The following GTF2B variants were observed in gnomAD, a reference collection of about 807,000 sequenced individuals.
GTF2B encodes the protein transcription initiation factor IIB.
A neutral mutation model predicts 34.6 loss-of-function variants in GTF2B; 20 were observed. The observed-to-expected ratio is 0.58, with a 90% CI of 0.41 to 0.84. The LOEUF (loss-of-function observed/expected upper bound fraction) is 0.84, where lower values mean the gene tolerates loss of function less well. Among genes scored for constraint, GTF2B ranks in the 40% least tolerant of loss-of-function variants. The pLI is 0.00. For synonymous variants in GTF2B, 142 were observed against 132.4 expected, an observed-to-expected ratio of 1.07 and a Z score of -0.50; for missense variants, 237 against 393.3, an observed-to-expected ratio of 0.60 and a Z score of 3.36.
Position 88,859,939 on chromosome 1 carries a change from C to T in GTF2B, c.478G>A (p.Ala160Thr), listed in dbSNP as rs1291314154. 1 of 1,613,608 alleles carries T rather than the reference C, an allele frequency of 6.2e-7. No homozygotes were observed. The highest frequency in any genetic ancestry group is 8.5e-7 in the Non-Finnish European group (1 of 1,179,600). ...CAGGCAATATAGAGACAAGCAGAAG[C>T]TATAGCATCATTAGCTCTTCCCTTC... is the stretch of plus-strand genomic sequence containing the variant. ...SLKGRANDAI[A>T]SACLYIACRQ... The change falls in exon 5 of 7, where the codon GCT (alanine) becomes ACT (threonine). Residue 160 changes from alanine (A) to threonine (T), a missense_variant. Physicochemically the swap from Ala to Thr is moderately conservative, Grantham distance 58. This residue lies in a region of GTF2B where 29 missense variants were observed against 105.8 expected (regional missense o/e 0.27). Transcript: ENST00000370500.
chr1:88,871,046 C>G (rs764108950), intron 2 of GTF2B, among the ~76,000 whole-genome samples: 1 of 151,980 alleles, frequency 6.6e-6, no homozygotes, highest in African/African-American at 2.4e-5. Context: ...GGACTACAGG[C>G]GTGTGCCACC....
Position 88,853,241 on chromosome 1 carries a change from G to T in GTF2B, c.923C>A (p.Thr308Asn). The T allele has an allele frequency of 6.2e-7, 1 of 1,613,546 alleles. No individual in the cohort carries two copies. The highest frequency in any genetic ancestry group is 8.5e-7 in the Non-Finnish European group (1 of 1,179,484). ...DLFPTDFKFD[T>N]PVDKLPQL ...TAGCTGTGGTAGTTTGTCCACTGGG[G>T]TGTCAAATTTGAAGTCTGTAGGAAA... Residue 308 changes from threonine (T) to asparagine (N), a missense_variant, in exon 7 of 7, where the codon ACC becomes AAC. By Grantham distance (65) the Thr-to-Asn change is moderately conservative. Coordinates refer to ENST00000370500, the MANE Select transcript of GTF2B (RefSeq NM_001514.6).
intron 1 of GTF2B, among the ~76,000 whole-genome samples, chr1:88,891,121 G>T (rs1280459904): frequency 3.8e-5 from 1 of 26,110 alleles, no homozygotes; most frequent in Non-Finnish European, 8.7e-5. Context: ...AAAAACAAGC[G>T]GGGGGGGGGG....
In GTF2B at chr1:88,860,254, G is replaced by C; in HGVS notation, c.291C>G (p.Gly97=). The C allele has an allele frequency of 6.2e-7, 1 of 1,613,880 alleles. No individual in the cohort carries two copies. The highest frequency in any genetic ancestry group is 1.1e-5 in the South Asian group (1 of 91,058). Residue 97 remains glycine (G), a synonymous_variant, in exon 4 of 7, where the codon GGC becomes GGG. Transcript: ENST00000370500. Reference sequence around the variant, plus strand: ...TTCTCCGATTCTGGTACTTAGAATTGCCAAATTCGTCAAAACTTGCAGCTC... The same window carrying C: ...TTCTCCGATTCTGGTACTTAGAATTCCCAAATTCGTCAAAACTTGCAGCTC... ...GTGAASFDEF[G]NSKYQNRRTM...
At position 88,891,121 on chromosome 1, in the gene GTF2B, G is replaced by GC. The variant is rs573160185; in HGVS notation, c.17+361_17+362insG. 3.6e-3 allele frequency among the ~76,000 whole-genome samples: 94 copies of GC among 26,144 alleles called. 5 individuals carry two copies. The South Asian group carries it at 0.059, about 16-fold the overall frequency. 17.2% of individuals were successfully genotyped at this position (26,144 alleles called of 152,430 possible). A position where few individuals can be genotyped will look rare whatever the true frequency, so the allele number is the denominator to read the frequency against. ...TGGGCCGTAGATGAAAAAAACAAGC[G>GC]GGGGGGGGGGCGCGGGGGAGGAGAG... On this transcript the variant is annotated intron_variant, in intron 1 of 6. Transcript: ENST00000370500.
intron 3 of GTF2B, among the ~76,000 whole-genome samples, chr1:88,863,169 T>C (rs530513760): frequency 7.9e-5 from 12 of 152,336 alleles, no homozygotes; most frequent in African/African-American, 2.6e-4. Context: ...ATACATGTTA[T>C]ATAAATACTT....
At position 88,890,449 on chromosome 1, in the gene GTF2B, A is replaced by G. The variant is rs538493352; in HGVS notation, c.17+1034T>C. Among the ~76,000 whole-genome samples the G allele has an allele frequency of 5.9e-5, 9 of 152,344 alleles. No homozygotes were observed. In the South Asian group the frequency reaches 1.7e-3, roughly 28 times the overall value. On this transcript the variant is annotated intron_variant, in intron 1 of 6. Coordinates refer to ENST00000370500, the MANE Select transcript of GTF2B (RefSeq NM_001514.6). ...AGGCTATTTTGTAAAAATGGCTTTC[A>G]CTGTGAAATTAACCAATTCCACAGA... is the stretch of plus-strand genomic sequence containing the variant.
chr1:88,865,857 AAAAC>A (rs10649931), intron 2 of GTF2B, among the ~76,000 whole-genome samples: 28 of 148,776 alleles, frequency 1.9e-4, no homozygotes, highest in Middle Eastern at 3.4e-3. Flanking sequence ...AAAACAAAAC[AAAAC>A]AAACAAACAA....
intron 3 of GTF2B, among the ~76,000 whole-genome samples, chr1:88,862,697 C>T (rs761196063): frequency 6.6e-6 from 1 of 151,926 alleles, no homozygotes; most frequent in African/African-American, 2.4e-5. Context: ...GGAGTGCAGT[C>T]GCGCGATCTC....
rs113029041 is a variant in GTF2B at position 88,887,005 on chromosome 1, G to A, written c.124+256C>T. Among the ~76,000 whole-genome samples the A allele has an allele frequency of 7.3e-3, 1,110 of 151,744 alleles. 13 individuals are homozygous for A. The highest frequency in any genetic ancestry group is 0.025 in the African/African-American group (1,036 of 41,248). On this transcript the variant is annotated intron_variant, in intron 2 of 6. Coordinates refer to ENST00000370500, the MANE Select transcript of GTF2B (RefSeq NM_001514.6). ...ACGATCTCGGCTCACTGCAACCTCC[G>A]CCTCCTGGGTTCAAGCCATTCTCCT...
chr1:88,859,354 G>C (rs1184305412), intron 5 of GTF2B, among the ~76,000 whole-genome samples: 1 of 152,116 alleles, frequency 6.6e-6, no homozygotes, highest in Non-Finnish European at 1.5e-5. Context: ...GGCTTACGTG[G>C]ACTAAAATGA....
chr1:88,888,829 A>T (rs1674130758), intron 1 of GTF2B, among the ~76,000 whole-genome samples: 1 of 152,244 alleles, frequency 6.6e-6, no homozygotes, highest in African/African-American at 2.4e-5. Flanking sequence ...TGACAACTTT[A>T]AAGCAGGCCA....
chr1:88,885,882 T>A (rs949027634), intron 2 of GTF2B, among the ~76,000 whole-genome samples: 1 of 152,166 alleles, frequency 6.6e-6, no homozygotes, highest in South Asian at 2.1e-4. Flanking sequence ...CATATATAGG[T>A]TGTACTTTGA....
At position 88,860,257 on chromosome 1, in the gene GTF2B, A is replaced by T. The variant is rs1424721672; in HGVS notation, c.288T>A (p.Phe96Leu). 6.2e-7 allele frequency: 1 copy of T among 1,613,896 alleles called. No homozygotes were observed. Among genetic ancestry groups the T allele is most frequent in the Non-Finnish European group, 8.5e-7 (1 of 1,179,922 alleles). ...TCCGATTCTGGTACTTAGAATTGCCAAATTCGTCAAAACTTGCAGCTCCTG... is the reference window on the plus strand; with the variant it reads ...TCCGATTCTGGTACTTAGAATTGCCTAATTCGTCAAAACTTGCAGCTCCTG... ...KGTGAASFDE[F>L]GNSKYQNRRT... Residue 96 changes from phenylalanine to leucine, a missense_variant, in exon 4 of 7, where the codon TTT (phenylalanine) becomes TTA (leucine). Phe to Leu is a conservative substitution (Grantham distance 22). Coordinates refer to ENST00000370500, the MANE Select transcript of GTF2B (RefSeq NM_001514.6).
intron 5 of GTF2B, among the ~76,000 whole-genome samples, chr1:88,857,792 CT>C (rs1451371240): frequency 6.7e-6 from 1 of 148,968 alleles, no homozygotes; most frequent in East Asian, 2.0e-4. Context: ...AGTGATTCTC[CT>C]GCCTCAGCCT....
intron 2 of GTF2B, 79 bp downstream of exon 2, chr1:88,887,182 G>A: frequency 1.1e-6 from 1 of 882,606 alleles, no homozygotes; most frequent in Non-Finnish European, 1.9e-6. Context: ...GCCTCCCGAA[G>A]TGCTGGAATT....
intron 5 of GTF2B, among the ~76,000 whole-genome samples, chr1:88,859,626 A>G (rs1489619214): frequency 1.3e-5 from 2 of 152,194 alleles, no homozygotes; most frequent in African/African-American, 4.8e-5. Context: ...ACCTGAGGTC[A>G]GAAGTTTGAG....
chr1:88,873,182 G>GTTTTTTTTTTTT, intron 2 of GTF2B, among the ~76,000 whole-genome samples: 1 of 100,448 alleles, frequency 1.0e-5, no homozygotes, highest in African/African-American at 4.1e-5. Flanking sequence ...ATTCCATTAA[G>GTTTTTTTTTTTT]TTTTTTTTTT....
At chr1:88,881,472 T>C (rs2100978093) in intron 2 of GTF2B, among the ~76,000 whole-genome samples, 1 of 152,322 alleles carries the variant, frequency 6.6e-6, no homozygotes, top group Non-Finnish European at 1.5e-5. Context: ...ATGTCATATA[T>C]TGATTTATAT....
Sources: gnomAD v4.1 joint callset for allele counts (sites outside exome capture counted in the v4.1 genomes callset) on GRCh38, gnomAD v4.1.1 for gene constraint, gnomAD v4.1.1 regional missense constraint, MANE v1.5 for transcripts, NCBI Gene and HGNC (gene_info 2026-07-23, HGNC 2026-07-21) for gene names.